Variants in PAPPA2 observed in about 807,000 individuals in gnomAD.
The protein encoded by PAPPA2 is pappalysin 2.
In PAPPA2, 86 loss-of-function variants were observed where a neutral mutation model predicts 176.4. That is an observed-to-expected ratio of 0.49 (90% CI 0.41 to 0.58). The LOEUF (loss-of-function observed/expected upper bound fraction) is 0.58, where lower values mean the gene tolerates loss of function less well. Among genes scored for constraint, PAPPA2 ranks in the 20% least tolerant of loss-of-function variants. The pLI, the probability that PAPPA2 is intolerant of heterozygous loss-of-function variation, is 0.00. For missense variants in PAPPA2, 2,073 were observed against 2,256.9 expected (o/e 0.92, Z 1.65); for synonymous variants, 809 against 852.2 (o/e 0.95, Z 0.88).
rs138875022 is a variant in PAPPA2 at position 176,532,419 on chromosome 1, G to C, written c.-916-22988G>C. Reference sequence around the variant, plus strand: ...CAAATCTGCGTCCAGGTAATGTGACGGAGCTTTCCCATCTGGGCCAGAGGA... The same window carrying C: ...CAAATCTGCGTCCAGGTAATGTGACCGAGCTTTCCCATCTGGGCCAGAGGA... On this transcript the variant is annotated intron_variant, in intron 1 of 22. Coordinates refer to ENST00000367662, the MANE Select transcript of PAPPA2 (RefSeq NM_020318.3). Among the ~76,000 whole-genome samples the C allele has an allele frequency of 2.5e-3, 384 of 152,228 alleles. 2 individuals carry two copies. The highest frequency in any genetic ancestry group is 9.0e-3 in the African/African-American group (372 of 41,528).
chr1:176,755,855 C>T (rs950020584), intron 14 of PAPPA2, among the ~76,000 whole-genome samples: 3 of 152,142 alleles, frequency 2.0e-5, no homozygotes, highest in Non-Finnish European at 4.4e-5. Flanking sequence ...TCCATTAACA[C>T]ATATTTGATA....
chr1:176,673,816 C>T (rs1413354553), intron 4 of PAPPA2, among the ~76,000 whole-genome samples: 1 of 152,124 alleles, frequency 6.6e-6, no homozygotes, highest in South Asian at 2.1e-4. Flanking sequence ...CTGTATATAA[C>T]TTAGTCTTTT....
At chr1:176,536,238 G>A (rs1650059812) in intron 1 of PAPPA2, among the ~76,000 whole-genome samples, 1 of 152,208 alleles carries the variant, frequency 6.6e-6, no homozygotes, top group African/African-American at 2.4e-5. Flanking sequence ...ATAACAAGTT[G>A]TGAGAAAGAT....
intron 21 of PAPPA2, among the ~76,000 whole-genome samples, chr1:176,833,617 G>A: frequency 6.6e-6 from 1 of 152,098 alleles, no homozygotes; most frequent in East Asian, 1.9e-4. Context: ...GTGAAACTGA[G>A]AGAATATTGT....
intron 17 of PAPPA2, among the ~76,000 whole-genome samples, chr1:176,774,676 G>A (rs1664374589): frequency 1.3e-5 from 2 of 152,000 alleles, no homozygotes; most frequent in Admixed American, 1.3e-4. Flanking sequence ...TCACCACTTT[G>A]CAGCAAAAAT....
chr1:176,555,223 T>C (rs1362925503), intron 1 of PAPPA2, among the ~76,000 whole-genome samples, 184 bp from the exon 2 acceptor site: 7 of 151,962 alleles, frequency 4.6e-5, no homozygotes, highest in Non-Finnish European at 5.9e-5. Context: ...GAGTGATGCA[T>C]TGAACTTACT....
At chr1:176,714,696 A>T (rs1488383474) in intron 12 of PAPPA2, among the ~76,000 whole-genome samples, 1 of 152,182 alleles carries the variant, frequency 6.6e-6, no homozygotes, top group Non-Finnish European at 1.5e-5. Flanking sequence ...AGGTGCATTA[A>T]TTATTTTCTT....
intron 12 of PAPPA2, among the ~76,000 whole-genome samples, chr1:176,723,379 G>A (rs2102852537): frequency 6.6e-6 from 1 of 152,078 alleles, no homozygotes; most frequent in South Asian, 2.1e-4. Flanking sequence ...ATAATTGAAA[G>A]TTCAGTTAAT....
At chr1:176,486,802 A>G (rs1450156031) in intron 1 of PAPPA2, among the ~76,000 whole-genome samples, 2 of 152,206 alleles carry the variant, frequency 1.3e-5, no homozygotes, top group African/African-American at 4.8e-5. Context: ...AGCATGAAAA[A>G]AAGCACACTT....
chr1:176,626,889 CTT>C (rs547179481), intron 3 of PAPPA2, among the ~76,000 whole-genome samples: 38 of 127,712 alleles, frequency 3.0e-4, no homozygotes, highest in East Asian at 6.7e-4. Flanking sequence ...CCTGTTTTTC[CTT>C]TTTTTTTTTT....
chr1:176,819,898 A>G (rs1029425935), intron 21 of PAPPA2, among the ~76,000 whole-genome samples: 3 of 152,172 alleles, frequency 2.0e-5, no homozygotes, highest in Non-Finnish European at 4.4e-5. Flanking sequence ...CAGGCCCCCA[A>G]ACTGGGTATC....
At chr1:176,813,265 T>A (rs1666246011) in intron 21 of PAPPA2, among the ~76,000 whole-genome samples, 1 of 152,212 alleles carries the variant, frequency 6.6e-6, no homozygotes, top group African/African-American at 2.4e-5. Flanking sequence ...CTTTCATGTA[T>A]CTTTCTAATA....
intron 3 of PAPPA2, among the ~76,000 whole-genome samples, chr1:176,602,637 C>T (rs1390955268): frequency 3.3e-5 from 5 of 151,866 alleles, no homozygotes; most frequent in South Asian, 2.1e-4. Flanking sequence ...AAAAAACACA[C>T]GCAGGGAAAA....
intron 2 of PAPPA2, among the ~76,000 whole-genome samples, chr1:176,579,486 C>T (rs1319128635): frequency 6.6e-6 from 1 of 152,132 alleles, no homozygotes; most frequent in Non-Finnish European, 1.5e-5. Flanking sequence ...GAGACATAAA[C>T]AGCTGGGCCA....
intron 17 of PAPPA2, among the ~76,000 whole-genome samples, chr1:176,774,821 T>C (rs1003042748): frequency 3.3e-5 from 5 of 152,192 alleles, no homozygotes; most frequent in African/African-American, 1.2e-4. Context: ...TAGCAGGGCT[T>C]CGCTTACTTC....
intron 12 of PAPPA2, among the ~76,000 whole-genome samples, chr1:176,727,854 A>G (rs1305412313): frequency 6.6e-6 from 1 of 152,074 alleles, no homozygotes; most frequent in Non-Finnish European, 1.5e-5. Flanking sequence ...ACAAATTAGT[A>G]GCAAGATATC....
chr1:176,682,647 A>AC (rs1211586573), intron 4 of PAPPA2, among the ~76,000 whole-genome samples: 10 of 107,316 alleles, frequency 9.3e-5, no homozygotes, highest in Admixed American at 4.0e-4. Context: ...ATTATTAGCT[A>AC]TAAAAAATAA....
At chr1:176,801,677 G>C (rs1448750833) in intron 21 of PAPPA2, among the ~76,000 whole-genome samples, 3 of 152,030 alleles carry the variant, frequency 2.0e-5, no homozygotes, top group Non-Finnish European at 2.9e-5. Flanking sequence ...GGGAAGGAGG[G>C]AGATAAACAG....
intron 3 of PAPPA2, among the ~76,000 whole-genome samples, chr1:176,603,004 G>A (rs1654414041): frequency 6.6e-6 from 1 of 152,182 alleles, no homozygotes; most frequent in Non-Finnish European, 1.5e-5. Flanking sequence ...CAGGTGAGTG[G>A]GGGGCTGGGG....
Sources: gnomAD v4.1 joint callset for allele counts (sites outside exome capture counted in the v4.1 genomes callset) on GRCh38, gnomAD v4.1.1 for gene constraint, MANE v1.5 for transcripts, NCBI Gene and HGNC (gene_info 2026-07-23, HGNC 2026-07-21) for gene names.